Variants in MME observed in about 807,000 individuals in gnomAD.
MME encodes membrane metalloendopeptidase.
In MME, 98 loss-of-function variants were observed where a neutral mutation model predicts 113.2. The ratio of observed to expected loss-of-function variants is 0.87; its 90% CI spans 0.74 to 1.02. MME has a LOEUF of 1.02. Ranked by LOEUF, MME falls within the 50% of genes least tolerant of loss-of-function variation. The probability of loss-of-function intolerance (pLI) is 0.00; values close to 1 mark genes in which losing one functional copy is unlikely to be tolerated. For synonymous variants in MME, 292 were observed against 300.6 expected (o/e 0.97, Z 0.30); for missense variants, 836 against 896.0 (o/e 0.93, Z 0.86).
At chr3:155,168,960 C>A (rs1313081372) in intron 20 of MME, 163 bp downstream of exon 20, 12 of 632,016 alleles carry the variant, frequency 1.9e-5, no homozygotes, top group Non-Finnish European at 3.3e-5. Flanking sequence ...ATATGCTAAC[C>A]ATAAGGGTCA....
chr3:155,074,684 A>C (rs1261877222), upstream of MME, among the ~76,000 whole-genome samples: 1 of 152,086 alleles, frequency 6.6e-6, no homozygotes, highest in African/African-American at 2.4e-5. Flanking sequence ...CTCCCGCCTC[A>C]GCTTCCCAAA....
chr3:155,067,938 G>T lies in MME; in HGVS notation c.-10-16220G>T, dbSNP rs1245000039. Among the ~76,000 whole-genome samples the T allele has an allele frequency of 2.0e-5, 3 of 152,112 alleles. No homozygotes were observed. The East Asian group carries it at 5.8e-4, about 29-fold the overall frequency. On this transcript the variant is annotated intron_variant, in intron 1 of 22. Transcript: ENST00000492661. ...ATTGCACTCCTAGATATTTACCTAG[G>T]AAAAGTGAAAGCATATGTTCATGTA...
At chr3:155,094,836 TGA>T (rs1401285540) in intron 3 of MME, among the ~76,000 whole-genome samples, 4 of 152,232 alleles carry the variant, frequency 2.6e-5, no homozygotes, top group Non-Finnish European at 5.9e-5. Flanking sequence ...TTCTCACCTC[TGA>T]TTAATCCCTT....
At chr3:155,095,763 C>T (rs1361425162) in intron 3 of MME, among the ~76,000 whole-genome samples, 6 of 152,034 alleles carry the variant, frequency 3.9e-5, no homozygotes, top group African/African-American at 1.2e-4. Context: ...CTAAAATACC[C>T]CCTGCCGTCA....
chr3:155,107,174 T>C (rs1717759263), intron 3 of MME, among the ~76,000 whole-genome samples: 1 of 151,958 alleles, frequency 6.6e-6, no homozygotes, highest in African/African-American at 2.4e-5. Context: ...GCCAACATGG[T>C]GAAACCCCGT....
intron 8 of MME, among the ~76,000 whole-genome samples, chr3:155,126,410 T>C (rs992090176): frequency 2.2e-5 from 1 of 45,428 alleles, no homozygotes; most frequent in African/African-American, 1.3e-4. Context: ...AGTAAAAGCT[T>C]TTTTTTTTTC....
chr3:155,145,347 T>A (rs1224943967), intron 14 of MME, among the ~76,000 whole-genome samples: 1 of 152,130 alleles, frequency 6.6e-6, no homozygotes, highest in Non-Finnish European at 1.5e-5. Flanking sequence ...AGGCTCATGG[T>A]CAAAAGAGTT....
In MME at chr3:155,059,927, C is replaced by T. The variant is rs79577904; in HGVS notation, c.-10-24231C>T. On this transcript the variant is annotated intron_variant, in intron 1 of 22. Coordinates refer to the MME transcript ENST00000492661. Reference sequence around the variant, plus strand: ...AAAAAAATTAAACAATATGAGAATTCGGTACAAGGGTTGCTGAGTAGATTT... The same window carrying T: ...AAAAAAATTAAACAATATGAGAATTTGGTACAAGGGTTGCTGAGTAGATTT... Among the ~76,000 whole-genome samples, 820 of 152,060 alleles carry T rather than the reference C, an allele frequency of 5.4e-3. 2 individuals carry two copies. Among genetic ancestry groups the T allele is most frequent in the African/African-American group, 0.018 (763 of 41,476 alleles).
intron 17 of MME, among the ~76,000 whole-genome samples, chr3:155,164,172 T>C (rs574509284): frequency 7.3e-4 from 111 of 151,890 alleles, no homozygotes; most frequent in Non-Finnish European, 1.2e-3. Flanking sequence ...AATGTTTAAT[T>C]ATTTTCCACC....
intron 8 of MME, among the ~76,000 whole-genome samples, chr3:155,120,340 GA>G (rs1478539083): frequency 9.1e-6 from 1 of 109,780 alleles, no homozygotes; most frequent in Admixed American, 1.1e-4. Context: ...AGTAGGTTGC[GA>G]AAATTTTCTC....
intron 3 of MME, among the ~76,000 whole-genome samples, chr3:155,099,752 T>A (rs1354572047): frequency 1.3e-5 from 2 of 152,218 alleles, no homozygotes; most frequent in Non-Finnish European, 2.9e-5. Flanking sequence ...GGCTGCATAG[T>A]ATTCCATGGT....
chr3:155,140,344 A>C (rs1481179922), intron 10 of MME, 52 bp downstream of exon 10: 2 of 1,086,224 alleles, frequency 1.8e-6, no homozygotes, highest in Admixed American at 3.5e-5. Flanking sequence ...CTAAATTATA[A>C]CATTGAAATA....
At chr3:155,163,770 T>C (rs1289243618) in intron 17 of MME, among the ~76,000 whole-genome samples, 1 of 152,174 alleles carries the variant, frequency 6.6e-6, no homozygotes, top group African/African-American at 2.4e-5. Context: ...TAAATTGCCT[T>C]ATTTATTCTT....
intron 1 of MME, among the ~76,000 whole-genome samples, chr3:155,032,050 C>T (rs1712992001): frequency 6.6e-6 from 1 of 152,218 alleles, no homozygotes; most frequent in African/African-American, 2.4e-5. Context: ...GGGGTCTTCA[C>T]AGCTTAAGTA....
At chr3:155,165,136 G>GT (rs199766114) in intron 17 of MME, among the ~76,000 whole-genome samples, 3,549 of 151,564 alleles carry the variant, frequency 0.023, 58 homozygotes, top group Middle Eastern at 0.037. Flanking sequence ...ATACTGAAGG[G>GT]TTTTTTTTTA....
chr3:155,180,211 C>A, intron 22 of MME, 149 bp from the exon 23 acceptor site: 1 of 714,358 alleles, frequency 1.4e-6, no homozygotes, highest in East Asian at 2.6e-5. Context: ...AATGAGAAGG[C>A]ACTGACTCAT....
At chr3:155,067,108 AG>A (rs1714404161) in intron 1 of MME, among the ~76,000 whole-genome samples, 1 of 151,576 alleles carries the variant, frequency 6.6e-6, no homozygotes, top group Non-Finnish European at 1.5e-5. Flanking sequence ...TGTTGAAGAA[AG>A]CTATGCTTTC....
Position 155,143,511 on chromosome 3 carries a change from G to A in MME, c.1257G>A (p.Met419Ile). ...GTGCAAACTATGTCAATGGGAATAT[G>A]GAAAATGCTGTGGGGAGGCTTTATG... ...RRCANYVNGN[M>I]ENAVGRLYVE... The change falls in exon 13 of 23, where the codon ATG becomes ATA. Residue 419 changes from methionine (M) to isoleucine (I), a missense_variant. Physicochemically the swap from Met to Ile is conservative, Grantham distance 10 (BLOSUM62 1). Transcript: ENST00000360490. 6.2e-7 allele frequency: 1 copy of A among 1,612,848 alleles called. No individual in the cohort carries two copies. Among genetic ancestry groups the A allele is most frequent in the African/African-American group, 1.3e-5 (1 of 74,970 alleles).
In MME at chr3:155,055,792, G is replaced by A. The variant is rs935622558; in HGVS notation, c.-10-28366G>A. Among the ~76,000 whole-genome samples the A allele has an allele frequency of 5.9e-5, 9 of 152,096 alleles. No individual in the cohort carries two copies. In the East Asian group the frequency reaches 9.6e-4, roughly 16 times the overall value. On this transcript the variant is annotated intron_variant, in intron 1 of 22. Transcript: ENST00000492661. ...TGAAGTGATTGCCAGTTATGCAGGC[G>A]TTTAAACTTTGTGAATATTAATTGA...
Sources: gnomAD v4.1 joint callset for allele counts (sites outside exome capture counted in the v4.1 genomes callset) on GRCh38, gnomAD v4.1.1 for gene constraint, MANE v1.5 for transcripts, NCBI Gene and HGNC (gene_info 2026-07-23, HGNC 2026-07-21) for gene names.